MINDY1: variants seen among roughly 807,000 people sequenced by gnomAD.
MINDY1 encodes the protein ubiquitin carboxyl-terminal hydrolase MINDY-1.
MINDY1 carries 50 observed loss-of-function variants against 53.6 expected under a neutral mutation model. The ratio of observed to expected loss-of-function variants is 0.93; its 90% confidence interval spans 0.74 to 1.18. MINDY1 has a LOEUF of 1.18. MINDY1 is among the 50% of genes most tolerant of loss of function. The probability of loss-of-function intolerance (pLI) is 0.00; values close to 1 mark genes in which losing one functional copy is unlikely to be tolerated. For missense variants in MINDY1, 484 were observed against 578.6 expected, an observed-to-expected ratio of 0.84 and a Z score of 1.68; for synonymous variants, 231 against 234.7, an observed-to-expected ratio of 0.98 and a Z score of 0.14.
In MINDY1 at chr1:151,002,774, T is replaced by C; in HGVS notation, c.-89-68A>G. Reference sequence around the variant, plus strand: ...ACCCAGAAAAGTCTTGGAAAAGGAATGTAGTGTAGAAGGCTGGCTAGTGTT... The same window carrying C: ...ACCCAGAAAAGTCTTGGAAAAGGAACGTAGTGTAGAAGGCTGGCTAGTGTT... On this transcript the variant is annotated intron_variant, in intron 1 of 9. Coordinates refer to ENST00000683666, the MANE Select transcript of MINDY1 (RefSeq NM_001376665.1). This position sits in a 1 kb window ranked among gnomAD's most constrained non-coding sequence, Gnocchi z 4.1. 6.7e-7 allele frequency: 1 copy of C among 1,491,962 alleles called. No homozygotes were observed. Among genetic ancestry groups the C allele is most frequent in the Non-Finnish European group, 8.9e-7 (1 of 1,119,066 alleles). The allele number at this position is 1,491,962 out of a possible 1,614,324, so 92.4% of individuals were successfully genotyped here.
At chr1:151,003,094 C>G (rs948073922) in intron 1 of MINDY1, 17 of 487,566 alleles carry the variant, frequency 3.5e-5, no homozygotes, top group Non-Finnish European at 4.4e-5. Flanking sequence ...ATATGATGAT[C>G]TTTAGCTTAC....
In MINDY1 at chr1:150,999,541, T is replaced by G. The variant is rs199749393; in HGVS notation, c.839-30A>C. 2.8e-4 allele frequency: 459 copies of G among 1,611,614 alleles called. No homozygotes were observed. The Middle Eastern group carries it at 3.2e-3, about 11-fold the overall frequency. On this transcript the variant is annotated intron_variant, in intron 6 of 9. Transcript: ENST00000683666. The surrounding 1 kb of genome is among the most constrained non-coding windows in gnomAD (Gnocchi z 4.4). ...CAGAAAGGGACGAGTCGGGGGAAACTTGGCTTAAATTCAAGGTCCACAACA... is the reference window on the plus strand; with the variant it reads ...CAGAAAGGGACGAGTCGGGGGAAACGTGGCTTAAATTCAAGGTCCACAACA...
At chr1:151,007,563 C>G (rs751584022), upstream of MINDY1, among the ~76,000 whole-genome samples, 1 of 152,148 alleles carries the variant, frequency 6.6e-6, no homozygotes, top group Non-Finnish European at 1.5e-5. Context: ...CACGCCTGTG[C>G]TCTGGATCTT....
intron 1 of MINDY1, 143 bp downstream of exon 1, chr1:151,006,169 C>A (rs1443045495): frequency 6.4e-7 from 1 of 1,551,516 alleles, no homozygotes; most frequent in Non-Finnish European, 8.7e-7. Context: ...CTTTACATGT[C>A]TCTCCTGACT....
rs587745382 is a variant in MINDY1 at position 151,006,266 on chromosome 1, A to G, written c.-90+46T>C. The G allele has an allele frequency of 7.4e-6, 11 of 1,481,510 alleles. No individual in the cohort carries two copies. In the African/African-American group the frequency reaches 1.3e-4, roughly 17 times the overall value. 91.8% of individuals were successfully genotyped at this position (1,481,510 alleles called of 1,614,324 possible). On this transcript the variant is annotated intron_variant, in intron 1 of 9. Coordinates refer to ENST00000683666, the MANE Select transcript of MINDY1 (RefSeq NM_001376665.1). Reference sequence around the variant, plus strand: ...CCCAAAGCTGGAGAGGAAATAGAGAAGGGTGGGAGAAGAGGTGAAGAAGAT... The same window carrying G: ...CCCAAAGCTGGAGAGGAAATAGAGAGGGGTGGGAGAAGAGGTGAAGAAGAT...
At position 150,999,459 on chromosome 1, in the gene MINDY1, G is replaced by A. The variant is rs374995576; in HGVS notation, c.891C>T (p.His297=). 8.1e-5 allele frequency: 131 copies of A among 1,614,150 alleles called. No homozygotes were observed. The highest frequency in any genetic ancestry group is 2.0e-4 in the Admixed American group (12 of 60,014). The change falls in exon 7 of 10, where the codon CAC becomes CAT. Residue 297 remains histidine, a synonymous_variant. Transcript: ENST00000683666. The surrounding 1 kb of genome is among the most constrained non-coding windows in gnomAD (Gnocchi z 4.4). ...LETTAAQLTY[H]GLCELTAAAK... is the part of the protein sequence containing the mutation. ...CAGCTGCTGTCAGCTCACACAGTCC[G>A]TGGTAGGTCAGCTGGGCCGCGGTGG...
chr1:151,003,064 A>G, intron 1 of MINDY1: 1 of 699,438 alleles, frequency 1.4e-6, no homozygotes, highest in Non-Finnish European at 1.8e-6. Context: ...GAAATGTTAA[A>G]TCTACGCTAA....
At chr1:151,008,133 GTGTCATTTAAAA>G, upstream of MINDY1, 4 of 659,532 alleles carry the variant, frequency 6.1e-6, no homozygotes, top group Non-Finnish European at 7.6e-6. Flanking sequence ...GTTTTGCCAA[GTGTCATTTAAAA>G]TGTCACCAGA....
At position 151,006,489 on chromosome 1, in the gene MINDY1, C is replaced by A; in HGVS notation, c.-267G>T. ...GCGACGGTCCAGGCTGGGTTGTGGC[C>A]ACTTCCGGACTCACGCCCAGTACTG... On this transcript the variant is annotated 5_prime_UTR_variant, in exon 1 of 10. Transcript: ENST00000683666. 1 of 1,060,862 alleles carries A rather than the reference C, an allele frequency of 9.4e-7. No homozygotes were observed. 65.7% of individuals were successfully genotyped at this position (1,060,862 alleles called of 1,614,324 possible).
intron 8 of MINDY1, 37 bp downstream of exon 8, chr1:150,998,045 A>G (rs376965153): frequency 1.3e-6 from 2 of 1,574,664 alleles, no homozygotes; most frequent in African/African-American, 1.4e-5. Flanking sequence ...TCTGAGGCAC[A>G]TGTGCTCTCT....
At chr1:151,008,088 G>A (rs930223698), upstream of MINDY1, among the ~76,000 whole-genome samples, 4 of 152,164 alleles carry the variant, frequency 2.6e-5, no homozygotes, top group African/African-American at 9.7e-5. Context: ...GAGTCAGTTT[G>A]GTAAAGGGCA....
rs1469715640 is a variant in MINDY1, at chr1:151,002,826, G to A, written c.-89-120C>T. The A allele has an allele frequency of 1.4e-6, 2 of 1,449,262 alleles. No individual in the cohort carries two copies. The allele number at this position is 1,449,262 out of a possible 1,614,324, so 89.8% of individuals were successfully genotyped here. A position where few individuals can be genotyped will look rare whatever the true frequency, so the allele number is the denominator to read the frequency against. ...GTGCAGTAACTCCTGGCTATGGGCAGTATATGTGTAAACAGAAGGGCCCCG... is the reference window on the plus strand; with the variant it reads ...GTGCAGTAACTCCTGGCTATGGGCAATATATGTGTAAACAGAAGGGCCCCG... On this transcript the variant is annotated intron_variant, in intron 1 of 9. Transcript: ENST00000683666. The surrounding 1 kb of genome is among the most constrained non-coding windows in gnomAD (Gnocchi z 4.1).
rs587715402 is a variant in MINDY1, at chr1:150,997,571, C to G, written c.1329+53G>C. 15 of 1,601,948 alleles carry G rather than the reference C, an allele frequency of 9.4e-6. No homozygotes were observed. In the Admixed American group the frequency reaches 2.5e-4, roughly 27 times the overall value. On this transcript the variant is annotated intron_variant, in intron 9 of 9. Coordinates refer to ENST00000683666, the MANE Select transcript of MINDY1 (RefSeq NM_001376665.1). ...GCAGGAATAACAGGTGTTCTGGACC[C>G]GGCAAAGCATGAGGTGGAAACCGGG...
At chr1:151,001,221 C>T (rs771122547) in intron 4 of MINDY1, 29 bp downstream of exon 4, 4 of 1,612,838 alleles carry the variant, frequency 2.5e-6, no homozygotes, top group Admixed American at 3.3e-5. Context: ...AACCTGCAAA[C>T]CCCTATGCCT....
rs761487426 is a variant in MINDY1 at position 150,999,411 on chromosome 1, G to A, written c.939C>T (p.Val313=). ...TAAAKEGELS[V]FFRNNHFSTM... ...TGCTAAAGTGGTTGTTTCGGAAAAA[G>A]ACGCTAAGTTCACCCTCCTTAGCAG... is the stretch of plus-strand genomic sequence containing the variant. Residue 313 remains valine (V), a synonymous_variant, in exon 7 of 10, where the codon GTC becomes GTT. Coordinates refer to ENST00000683666, the MANE Select transcript of MINDY1 (RefSeq NM_001376665.1). The surrounding 1 kb of genome is among the most constrained non-coding windows in gnomAD (Gnocchi z 4.4). 15 of 1,614,010 alleles carry A rather than the reference G, an allele frequency of 9.3e-6. No individual in the cohort carries two copies. The highest frequency in any genetic ancestry group is 1.3e-5 in the Non-Finnish European group (15 of 1,180,034).
At chr1:151,003,014 G>A in intron 1 of MINDY1, 1 of 1,126,758 alleles carries the variant, frequency 8.9e-7, no homozygotes, top group Non-Finnish European at 1.1e-6. Context: ...AGAGAGAAAG[G>A]GAGAGCACAA....
At chr1:151,000,422 C>G (rs1181956666) in intron 5 of MINDY1, 35 bp downstream of exon 5, 1 of 1,546,284 alleles carries the variant, frequency 6.5e-7, no homozygotes, top group Non-Finnish European at 8.7e-7. Context: ...TCAGCTTGAG[C>G]TGGATAAGGT....
At chr1:151,008,309 A>G, upstream of MINDY1, 1 of 1,295,360 alleles carries the variant, frequency 7.7e-7, no homozygotes, top group Non-Finnish European at 9.9e-7. Flanking sequence ...TGCTAGGGAC[A>G]TTGCGGAGTT....
chr1:151,006,248 C>A, intron 1 of MINDY1, 64 bp downstream of exon 1: 1 of 1,505,496 alleles, frequency 6.6e-7, no homozygotes, highest in South Asian at 1.3e-5. Flanking sequence ...CTCCCCAAAG[C>A]TGGAGAGGAA....
Sources: gnomAD v4.1 joint callset for allele counts (sites outside exome capture counted in the v4.1 genomes callset) on GRCh38, gnomAD v4.1.1 for gene constraint, Gnocchi (gnomAD v3.1) non-coding constraint, MANE v1.5 for transcripts, NCBI Gene and HGNC (gene_info 2026-07-23, HGNC 2026-07-21) for gene names.